The following UBP1 variants were observed in gnomAD, a reference collection of about 807,000 sequenced individuals.
UBP1 encodes the protein upstream-binding protein 1.
In UBP1, 22 loss-of-function variants were observed where a neutral mutation model predicts 76.1. That is an observed-to-expected ratio of 0.29 (90% CI 0.21 to 0.41). UBP1 has a LOEUF of 0.41. UBP1 is among the 10% of genes least tolerant of loss of function. UBP1 has a pLI of 1.00. For missense variants in UBP1, 436 were observed against 668.1 expected (o/e 0.65, Z 3.83); for synonymous variants, 224 against 237.1 (o/e 0.94, Z 0.51).
In UBP1 at chr3:33,419,584, C is replaced by T. The variant is rs571927935; in HGVS notation, c.266-2750G>A. On this transcript the variant is annotated intron_variant, in intron 2 of 15. Transcript: ENST00000283629. ...CGGAGGTTGCGGTGAGCCGAGATCG[C>T]GCCATTGCACTCCAGCCTGGGCAAC... Among the ~76,000 whole-genome samples the T allele has an allele frequency of 1.1e-3, 161 of 150,172 alleles. 1 individual carries two copies. Among genetic ancestry groups the T allele is most frequent in the Non-Finnish European group, 1.9e-3 (126 of 67,722 alleles).
intron 8 of UBP1, chr3:33,403,426 A>C (rs2044304550): frequency 5.8e-6 from 1 of 172,548 alleles, no homozygotes; most frequent in Non-Finnish European, 1.2e-5. Flanking sequence ...AATAATCCTC[A>C]AGACAGACCA....
chr3:33,434,289 CTTTTTTTTTT>C (rs371209882), intron 1 of UBP1, among the ~76,000 whole-genome samples: 2,837 of 101,416 alleles, frequency 0.028, 96 homozygotes, highest in African/African-American at 0.11. Context: ...TCAGCAAATC[CTTTTTTTTTT>C]TTTTTTTTTT....
intron 1 of UBP1, among the ~76,000 whole-genome samples, chr3:33,430,936 AG>A (rs1475436964): frequency 6.6e-6 from 1 of 152,168 alleles, no homozygotes; most frequent in African/African-American, 2.4e-5. Flanking sequence ...AGACCACCAG[AG>A]ATTTCAGATG....
intron 1 of UBP1, 106 bp downstream of exon 1, chr3:33,439,630 G>A (rs920969245): frequency 2.0e-5 from 25 of 1,267,500 alleles, no homozygotes; most frequent in Middle Eastern, 2.1e-4. Flanking sequence ...CCGCAGCCCA[G>A]GAGGCCCGCG....
chr3:33,433,099 C>T (rs747021029), intron 1 of UBP1, among the ~76,000 whole-genome samples: 6 of 151,332 alleles, frequency 4.0e-5, no homozygotes, highest in Middle Eastern at 3.5e-3. Context: ...CTCACTCTGT[C>T]GCCCAGGCTG....
Position 33,412,796 on chromosome 3 carries a change from C to T in UBP1, c.374G>A (p.Arg125Gln). Residue 125 changes from arginine to glutamine, a missense_variant, in exon 4 of 16, where the codon CGG becomes CAG. By Grantham distance (43) the Arg-to-Gln change is conservative. Transcript: ENST00000283629. ...SIIRVVFHDRRLQYTEHQQLE... is the reference protein window; with the variant it reads ...SIIRVVFHDRQLQYTEHQQLE... Reference sequence around the variant, plus strand: ...TTGCTGATGCTCTGTGTATTGTAGCCGTCTGTCATGGAATACAACCCTTAT... The same window carrying T: ...TTGCTGATGCTCTGTGTATTGTAGCTGTCTGTCATGGAATACAACCCTTAT... 2.5e-6 allele frequency: 4 copies of T among 1,613,958 alleles called. No homozygotes were observed. The highest frequency in any genetic ancestry group is 2.2e-5 in the South Asian group (2 of 91,064).
intron 2 of UBP1, among the ~76,000 whole-genome samples, chr3:33,424,828 T>C (rs2044984804): frequency 1.3e-5 from 2 of 152,164 alleles, no homozygotes; most frequent in South Asian, 4.1e-4. Context: ...GGCGGATCAC[T>C]TAAGGTCAGG....
In UBP1 at chr3:33,411,520, C is replaced by T. The variant is rs974078946; in HGVS notation, c.555+61G>A. On this transcript the variant is annotated intron_variant, in intron 5 of 15. Transcript: ENST00000283629. ...AGGAAATGATACTGTATCAAAAATT[C>T]AATCCTACCATGACCTAAATAACTA... The T allele has an allele frequency of 3.5e-6, 5 of 1,419,674 alleles. No homozygotes were observed. The African/African-American group carries it at 7.1e-5, about 20-fold the overall frequency. The allele number at this position is 1,419,674 out of a possible 1,614,324, so 87.9% of individuals were successfully genotyped here.
rs183594357 is a variant in UBP1 at position 33,392,830 on chromosome 3, A to C, written c.1534-216T>G. 235 of 468,452 alleles carry C rather than the reference A, an allele frequency of 5.0e-4. 1 individual carries two copies. Among genetic ancestry groups the C allele is most frequent in the African/African-American group, 4.6e-3 (219 of 47,694 alleles). 29.0% of individuals were successfully genotyped at this position (468,452 alleles called of 1,614,324 possible). A position where few individuals can be genotyped will look rare whatever the true frequency, so the allele number is the denominator to read the frequency against. Reference sequence around the variant, plus strand: ...ATAATGGTCCCTGAGAGACCTGGTCAGTCACCCATGTGACCCACAGGGGCA... The same window carrying C: ...ATAATGGTCCCTGAGAGACCTGGTCCGTCACCCATGTGACCCACAGGGGCA... On this transcript the variant is annotated intron_variant, in intron 14 of 15. Transcript: ENST00000283629.
chr3:33,395,576 G>A (rs1039107613), intron 13 of UBP1, among the ~76,000 whole-genome samples: 1 of 151,744 alleles, frequency 6.6e-6, no homozygotes, highest in African/African-American at 2.4e-5. Context: ...AACGTACTGG[G>A]TAGTATTATT....
chr3:33,434,941 C>T lies in UBP1; in HGVS notation c.113+4795G>A, dbSNP rs565719829. ...ACCTCGTGATCCGCCCACCTTGGCC[C>T]TCCAAAGTGTTGGGATTATAGGCGT... is the stretch of plus-strand genomic sequence containing the variant. On this transcript the variant is annotated intron_variant, in intron 1 of 15. Coordinates refer to ENST00000283629, the MANE Select transcript of UBP1 (RefSeq NM_014517.5). Among the ~76,000 whole-genome samples, 58 of 152,116 alleles carry T rather than the reference C, an allele frequency of 3.8e-4. 1 individual carries two copies. Among genetic ancestry groups the T allele is most frequent in the African/African-American group, 1.3e-3 (56 of 41,512 alleles).
chr3:33,431,448 G>C (rs1008742992), intron 1 of UBP1, among the ~76,000 whole-genome samples: 1 of 152,084 alleles, frequency 6.6e-6, no homozygotes, highest in Non-Finnish European at 1.5e-5. Context: ...TACAGCATAT[G>C]AAAGTTCCGC....
chr3:33,432,468 T>C (rs1455186726), intron 1 of UBP1, among the ~76,000 whole-genome samples: 6 of 152,232 alleles, frequency 3.9e-5, no homozygotes, highest in African/African-American at 1.4e-4. Context: ...TACTACAACA[T>C]ATACAGCATC....
chr3:33,428,563 A>G (rs753501053), intron 1 of UBP1, among the ~76,000 whole-genome samples: 13 of 152,020 alleles, frequency 8.6e-5, no homozygotes, highest in Non-Finnish European at 1.9e-4. Context: ...TATAGTCTCC[A>G]TGATCCACAC....
intron 1 of UBP1, among the ~76,000 whole-genome samples, chr3:33,426,009 A>C (rs1416445132): frequency 1.2e-5 from 1 of 82,434 alleles, no homozygotes; most frequent in Non-Finnish European, 2.4e-5. Flanking sequence ...ATATATATAT[A>C]TATATATATA....
chr3:33,420,392 C>G (rs2044856766), intron 2 of UBP1, among the ~76,000 whole-genome samples: 1 of 151,968 alleles, frequency 6.6e-6, no homozygotes, highest in African/African-American at 2.4e-5. Flanking sequence ...GTGGTGCAAT[C>G]TGGGCTCACT....
At chr3:33,425,958 C>T (rs1286961506) in intron 1 of UBP1, among the ~76,000 whole-genome samples, 3 of 134,770 alleles carry the variant, frequency 2.2e-5, no homozygotes, top group Non-Finnish European at 4.7e-5. Flanking sequence ...ACCCCTATCT[C>T]GGGGTGGGAA....
In UBP1 at chr3:33,408,880, C is replaced by A; in HGVS notation, c.820-83G>T. 3 of 1,221,396 alleles carry A rather than the reference C, an allele frequency of 2.5e-6. No individual in the cohort carries two copies. In the South Asian group the frequency reaches 3.9e-5, roughly 16 times the overall value. 75.7% of individuals were successfully genotyped at this position (1,221,396 alleles called of 1,614,324 possible). A position where few individuals can be genotyped will look rare whatever the true frequency, so the allele number is the denominator to read the frequency against. Reference sequence around the variant, plus strand: ...ACACCCTGTTTCATGTCTCTTCAGTCCAATTAAACAAATGCATGACTAACA... The same window carrying A: ...ACACCCTGTTTCATGTCTCTTCAGTACAATTAAACAAATGCATGACTAACA... On this transcript the variant is annotated intron_variant, in intron 7 of 15. Transcript: ENST00000283629.
intron 10 of UBP1, among the ~76,000 whole-genome samples, chr3:33,400,549 T>C (rs575322941): frequency 6.6e-6 from 1 of 152,306 alleles, no homozygotes; most frequent in East Asian, 1.9e-4. Flanking sequence ...GAACATTTCA[T>C]TGTCTTAAGT....
Sources: gnomAD v4.1 joint callset for allele counts (sites outside exome capture counted in the v4.1 genomes callset) on GRCh38, gnomAD v4.1.1 for gene constraint, MANE v1.5 for transcripts, NCBI Gene and HGNC (gene_info 2026-07-23, HGNC 2026-07-21) for gene names.